Variants in RBM39 observed in about 807,000 individuals in gnomAD.
RBM39 encodes the protein RNA binding motif protein 39.
In RBM39, 12 loss-of-function variants were observed where a neutral mutation model predicts 79.6. The observed-to-expected ratio is 0.15, with a 90% confidence interval of 0.10 to 0.24. The LOEUF (loss-of-function observed/expected upper bound fraction) is 0.24. Ranked by LOEUF, RBM39 falls within the 10% of genes least tolerant of loss-of-function variation. The probability of loss-of-function intolerance (pLI) is 1.00; values close to 1 mark genes in which losing one functional copy is unlikely to be tolerated. For synonymous variants in RBM39, 185 were observed against 208.4 expected (o/e 0.89, Z 0.97); for missense variants, 243 against 653.4 (o/e 0.37, Z 6.85).
intron 6 of RBM39, among the ~76,000 whole-genome samples, chr20:35,725,504 C>T (rs56941405): frequency 0.19 from 28,426 of 152,086 alleles, 3,066 homozygotes; most frequent in African/African-American, 0.31. Flanking sequence ...TGGTCTCGAA[C>T]TCCTGACCTC....
intron 9 of RBM39, among the ~76,000 whole-genome samples, chr20:35,720,705 G>A (rs1238765698): frequency 6.6e-6 from 1 of 152,172 alleles, no homozygotes; most frequent in Non-Finnish European, 1.5e-5. Flanking sequence ...CAGAGAGGAG[G>A]AGTTTGCAGC....
chr20:35,717,033 A>G (rs1193502516), intron 9 of RBM39, among the ~76,000 whole-genome samples: 1 of 152,124 alleles, frequency 6.6e-6, no homozygotes, highest in African/African-American at 2.4e-5. Flanking sequence ...TAATCCCAGC[A>G]TTTTGGGAGG....
chr20:35,702,368 A>G lies in RBM39; in HGVS notation c.*2113T>C, dbSNP rs1235190093. The G allele has an allele frequency of 6.6e-6, 1 of 152,206 alleles. No individual in the cohort carries two copies. Among genetic ancestry groups the G allele is most frequent in the Non-Finnish European group, 1.5e-5 (1 of 68,036 alleles). 9.4% of individuals were successfully genotyped at this position (152,206 alleles called of 1,614,324 possible). A position where few individuals can be genotyped will look rare whatever the true frequency, so the allele number is the denominator to read the frequency against. ...GAATGAGCTGTTTTCTATGCACGAC[A>G]CTATTCAAGTTACTACACTCCAACC... On this transcript the variant is annotated 3_prime_UTR_variant, in exon 17 of 17. Coordinates refer to ENST00000253363, the MANE Select transcript of RBM39 (RefSeq NM_184234.3).
At chr20:35,732,363 C>CT (rs1367587602) in intron 3 of RBM39, 1 of 549,316 alleles carries the variant, frequency 1.8e-6, no homozygotes, top group Admixed American at 3.2e-5. Flanking sequence ...CAAGACCAGT[C>CT]TGGCCAATGT....
chr20:35,726,607 C>A (rs1053898029), intron 6 of RBM39, among the ~76,000 whole-genome samples: 1 of 152,170 alleles, frequency 6.6e-6, no homozygotes, highest in African/African-American at 2.4e-5. Context: ...TTGACAATCA[C>A]AAATGGCAAA....
intron 4 of RBM39, among the ~76,000 whole-genome samples, chr20:35,730,512 T>C (rs1412989181): frequency 2.6e-5 from 4 of 152,178 alleles, no homozygotes; most frequent in African/African-American, 9.6e-5. Flanking sequence ...CTGAGAATCA[T>C]TTACTGGATG....
In RBM39 at chr20:35,703,282, G is replaced by C. The variant is rs1290335014; in HGVS notation, c.*1199C>G. 6.6e-6 allele frequency: 1 copy of C among 152,128 alleles called. No homozygotes were observed. The highest frequency in any genetic ancestry group is 2.4e-5 in the African/African-American group (1 of 41,410). 9.4% of individuals were successfully genotyped at this position (152,128 alleles called of 1,614,324 possible). On this transcript the variant is annotated 3_prime_UTR_variant, in exon 17 of 17. Transcript: ENST00000253363. ...ATTTTGGAAACCAGTTTGAAGTTAA[G>C]CCATTTTGTTAAGTATGTATTGTAA... is the stretch of plus-strand genomic sequence containing the variant.
intron 3 of RBM39, 38 bp downstream of exon 3, chr20:35,738,930 G>C: frequency 6.4e-7 from 1 of 1,566,478 alleles, no homozygotes; most frequent in African/African-American, 1.4e-5. Context: ...CCACAAAAAA[G>C]CTCACCACCC....
chr20:35,734,328 G>C, intron 3 of RBM39: 1 of 855,216 alleles, frequency 1.2e-6, no homozygotes, highest in Non-Finnish European at 1.7e-6. Flanking sequence ...AGAAAATTAG[G>C]CTACACTCAT....
At chr20:35,732,739 T>G (rs564550872) in intron 3 of RBM39, 8 of 152,944 alleles carry the variant, frequency 5.2e-5, no homozygotes, top group Non-Finnish European at 7.3e-5. Context: ...AATCAAAATG[T>G]GAACCTTTAA....
At position 35,703,681 on chromosome 20, in the gene RBM39, T is replaced by C. The variant is rs1197428642; in HGVS notation, c.*800A>G. 3.3e-5 allele frequency: 5 copies of C among 152,662 alleles called. No homozygotes were observed. Among genetic ancestry groups the C allele is most frequent in the Non-Finnish European group, 5.9e-5 (4 of 68,042 alleles). 9.5% of individuals were successfully genotyped at this position (152,662 alleles called of 1,614,324 possible). On this transcript the variant is annotated 3_prime_UTR_variant, in exon 17 of 17. Transcript: ENST00000253363. ...TGCAATATGAAAGTCATTTGTTTGA[T>C]AGAAATATCAAGCTGTCTTGTCAAA...
intron 8 of RBM39, 132 bp from the exon 9 acceptor site, chr20:35,722,009 A>C: frequency 1.0e-6 from 1 of 1,004,126 alleles, no homozygotes; most frequent in African/African-American, 1.6e-5. Flanking sequence ...CAGATACTAC[A>C]TATCAACTTA....
intron 3 of RBM39, chr20:35,734,048 T>C: frequency 3.7e-6 from 1 of 272,308 alleles, no homozygotes; most frequent in Non-Finnish European, 7.3e-6. Flanking sequence ...CAATTCTGTA[T>C]CATTATCTGG....
chr20:35,737,429 A>G (rs56392905), intron 3 of RBM39, among the ~76,000 whole-genome samples: 27,343 of 149,034 alleles, frequency 0.18, 2,859 homozygotes, highest in African/African-American at 0.3. Flanking sequence ...GCGTGGTGGC[A>G]GGAACCTGTA....
chr20:35,717,685 T>C (rs907383447), intron 9 of RBM39, among the ~76,000 whole-genome samples: 6 of 152,250 alleles, frequency 3.9e-5, no homozygotes, highest in Admixed American at 2.0e-4. Context: ...AAAAAAGGTA[T>C]GAAAAATTAA....
intron 10 of RBM39, among the ~76,000 whole-genome samples, chr20:35,715,872 TCCTCTCTCTTCCTCTC>T (rs149634718): frequency 0.079 from 12,022 of 151,810 alleles, 878 homozygotes; most frequent in African/African-American, 0.19. Flanking sequence ...CAGGATGTCT[TCCTCTCTCTTCCTCTC>T]CCTCTCTCCA....
chr20:35,706,571 T>C (rs1053155115), intron 14 of RBM39, among the ~76,000 whole-genome samples: 9 of 152,132 alleles, frequency 5.9e-5, no homozygotes, highest in African/African-American at 1.9e-4. Flanking sequence ...ATAAAACCAA[T>C]GAGAAGAGTT....
chr20:35,707,721 T>C (rs1028847498), intron 13 of RBM39: 1 of 243,944 alleles, frequency 4.1e-6, no homozygotes, highest in African/African-American at 2.4e-5. Context: ...TAAATCCTAT[T>C]AACAATCCTA....
Position 35,731,930 on chromosome 20 carries a change from T to C in RBM39, c.296+11A>G, listed in dbSNP as rs878880791. 4 of 1,612,472 alleles carry C rather than the reference T, an allele frequency of 2.5e-6. No individual in the cohort carries two copies. Among genetic ancestry groups the C allele is most frequent in the Admixed American group, 1.7e-5 (1 of 59,790 alleles). On this transcript the variant is annotated intron_variant, in intron 4 of 16. Coordinates refer to ENST00000253363, the MANE Select transcript of RBM39 (RefSeq NM_184234.3). ...AACCCTCAAACCAAAATCATAACTA[T>C]AGTTACATACTAAGGACTTCTGTAG...
Sources: gnomAD v4.1 joint callset for allele counts (sites outside exome capture counted in the v4.1 genomes callset) on GRCh38, gnomAD v4.1.1 for gene constraint, MANE v1.5 for transcripts, NCBI Gene and HGNC (gene_info 2026-07-23, HGNC 2026-07-21) for gene names.